Variants in STXBP4 observed in about 807,000 individuals in gnomAD.
STXBP4 encodes syntaxin binding protein 4, also known as syntaxin-binding protein 4.
STXBP4 carries 55 observed loss-of-function variants against 76.1 expected under a neutral mutation model. The ratio of observed to expected loss-of-function variants is 0.72; its 90% CI spans 0.58 to 0.91. The LOEUF (loss-of-function observed/expected upper bound fraction) is 0.91, where lower values mean the gene tolerates loss of function less well. Among genes scored for constraint, STXBP4 ranks in the 40% least tolerant of loss-of-function variants. The probability of loss-of-function intolerance (pLI) is 0.00; values close to 1 mark genes in which losing one functional copy is unlikely to be tolerated. For synonymous variants in STXBP4, 201 were observed against 220.2 expected, an observed-to-expected ratio of 0.91 and a Z score of 0.77; for missense variants, 618 against 636.9, an observed-to-expected ratio of 0.97 and a Z score of 0.32.
chr17:55,145,464 A>G (rs1057461230), intron 17 of STXBP4, among the ~76,000 whole-genome samples: 3 of 152,200 alleles, frequency 2.0e-5, no homozygotes, highest in Non-Finnish European at 2.9e-5. Flanking sequence ...CAGAAATTGA[A>G]TTGTTACATC....
chr17:55,005,117 C>T (rs1211117892), intron 7 of STXBP4, among the ~76,000 whole-genome samples: 1 of 152,168 alleles, frequency 6.6e-6, no homozygotes, highest in Non-Finnish European at 1.5e-5. Context: ...CATTAAATCT[C>T]CTTATAATAC....
intron 4 of STXBP4, chr17:54,991,838 T>G (rs954385520): frequency 1.3e-5 from 2 of 151,486 alleles, no homozygotes; most frequent in Non-Finnish European, 2.9e-5. Flanking sequence ...TAATAAAATA[T>G]TCTATTAATA....
chr17:55,121,457 C>T (rs2079842956), intron 16 of STXBP4, among the ~76,000 whole-genome samples: 1 of 152,066 alleles, frequency 6.6e-6, no homozygotes, highest in South Asian at 2.1e-4. Flanking sequence ...TATGAGCAAC[C>T]ACAATCTTGA....
intron 12 of STXBP4, among the ~76,000 whole-genome samples, chr17:55,058,233 C>A (rs140179725): frequency 0.012 from 1,868 of 152,220 alleles, 33 homozygotes; most frequent in East Asian, 0.045. Flanking sequence ...CTGACTTTTT[C>A]ATGATCGCCA....
intron 17 of STXBP4, among the ~76,000 whole-genome samples, chr17:55,151,967 G>C (rs1202523040): frequency 6.6e-6 from 1 of 152,162 alleles, no homozygotes; most frequent in Non-Finnish European, 1.5e-5. Flanking sequence ...ATATTGGTGA[G>C]AAGGACTAGT....
At chr17:54,995,714 C>T (rs1225880082) in intron 4 of STXBP4, among the ~76,000 whole-genome samples, 1 of 152,158 alleles carries the variant, frequency 6.6e-6, no homozygotes, top group African/African-American at 2.4e-5. Flanking sequence ...AGGATCAGGC[C>T]TCTGGATGGC....
chr17:55,015,408 G>T (rs2078188495), intron 8 of STXBP4, among the ~76,000 whole-genome samples: 1 of 152,312 alleles, frequency 6.6e-6, no homozygotes, highest in South Asian at 2.1e-4. Flanking sequence ...ACCAGAGATT[G>T]CCAAACTCTT....
the STXBP4 span, among the ~76,000 whole-genome samples, chr17:55,187,378 C>A: frequency 1.6e-4 from 25 of 151,964 alleles, no homozygotes; most frequent in Non-Finnish European, 3.5e-4. Flanking sequence ...TAAACTGCAC[C>A]CCTCCCTTGT....
intron 13 of STXBP4, among the ~76,000 whole-genome samples, chr17:55,074,094 C>A (rs1036010097): frequency 1.3e-5 from 2 of 152,098 alleles, no homozygotes; most frequent in East Asian, 1.9e-4. Context: ...ACAAACATAA[C>A]TGGTTATGTA....
intron 16 of STXBP4, among the ~76,000 whole-genome samples, chr17:55,105,223 A>G (rs1287340124): frequency 6.6e-6 from 1 of 151,994 alleles, no homozygotes. Flanking sequence ...TTAGAGTGTC[A>G]ATTTTAGATC....
At position 55,167,943 on chromosome 17, in the gene STXBP4, G is replaced by T. The variant is rs2080385023; in HGVS notation, c.*8032G>T. The T allele has an allele frequency of 6.6e-6, 1 of 152,178 alleles. No homozygotes were observed. The highest frequency in any genetic ancestry group is 1.5e-5 in the Non-Finnish European group (1 of 68,010). The allele number at this position is 152,178 out of a possible 1,614,324, so 9.4% of individuals were successfully genotyped here. A position where few individuals can be genotyped will look rare whatever the true frequency, so the allele number is the denominator to read the frequency against. The stretch of plus-strand genomic sequence containing the variant: ...TAGGTAATATAGACAGGTAAGGTCA[G>T]AAATTTCTGTGGAATGGAATATGAA... On this transcript the variant is annotated 3_prime_UTR_variant, in exon 18 of 18. Coordinates refer to ENST00000376352, the MANE Select transcript of STXBP4 (RefSeq NM_178509.6).
chr17:55,042,622 G>A (rs1055275891), intron 10 of STXBP4, among the ~76,000 whole-genome samples: 15 of 151,724 alleles, frequency 9.9e-5, no homozygotes, highest in African/African-American at 2.4e-4. Flanking sequence ...TGTAATTGAC[G>A]GTCAGAGACA....
Position 54,969,098 on chromosome 17 carries a change from G to A in STXBP4, c.-157+283G>A, listed in dbSNP as rs2077340901. Among the ~76,000 whole-genome samples the A allele has an allele frequency of 1.3e-5, 2 of 152,164 alleles. 1 individual carries two copies. The highest frequency in any genetic ancestry group is 4.1e-4 in the South Asian group (2 of 4,830). Reference sequence around the variant, plus strand: ...ATCACCTCTCTCAGGAAGCCTTGCTGTGTTAACCGCAGCCCTCATGGGCAC... The same window carrying A: ...ATCACCTCTCTCAGGAAGCCTTGCTATGTTAACCGCAGCCCTCATGGGCAC... On this transcript the variant is annotated intron_variant, in intron 1 of 17. Coordinates refer to ENST00000376352, the MANE Select transcript of STXBP4 (RefSeq NM_178509.6).
intron 4 of STXBP4, among the ~76,000 whole-genome samples, chr17:54,997,304 C>T (rs931545035): frequency 6.6e-6 from 1 of 151,904 alleles, no homozygotes; most frequent in African/African-American, 2.4e-5. Flanking sequence ...AATATGTAAA[C>T]ACCAGAAGTC....
At chr17:54,971,993 G>A (rs969377936) in intron 1 of STXBP4, among the ~76,000 whole-genome samples, 2 of 152,094 alleles carry the variant, frequency 1.3e-5, no homozygotes, top group African/African-American at 4.8e-5. Context: ...CTCAATATAG[G>A]TCTGTCTGAT....
rs34470146 is a variant in STXBP4 at position 55,146,726 on chromosome 17, G to GA, written c.1547+5371dup. 5.1e-4 allele frequency among the ~76,000 whole-genome samples: 74 copies of GA among 144,240 alleles called. 1 individual carries two copies. The highest frequency in any genetic ancestry group is 6.0e-4 in the Non-Finnish European group (39 of 65,160). 94.6% of individuals were successfully genotyped at this position (144,240 alleles called of 152,430 possible). On this transcript the variant is annotated intron_variant, in intron 17 of 17. Coordinates refer to ENST00000376352, the MANE Select transcript of STXBP4 (RefSeq NM_178509.6). ...AGCGAGACTCCGTCTCAAAAAAAAA[G>GA]AAAAAAAAAAAAGAGTGGCTTAGTG...
chr17:55,159,293 T>C lies in STXBP4; in HGVS notation c.1548-504T>C, dbSNP rs142422724. ...ATAAATAAAAATTTTAAAAAGCAGG[T>C]ATTGTTGAGGCAGCTAAAAAAACAA... On this transcript the variant is annotated intron_variant, in intron 17 of 17. Transcript: ENST00000376352. Among the ~76,000 whole-genome samples the C allele has an allele frequency of 9.4e-4, 143 of 152,008 alleles. No homozygotes were observed. The East Asian group carries it at 0.02, about 22-fold the overall frequency.
intron 16 of STXBP4, among the ~76,000 whole-genome samples, chr17:55,111,154 T>C (rs1307921322): frequency 6.6e-6 from 1 of 152,142 alleles, no homozygotes; most frequent in Non-Finnish European, 1.5e-5. Context: ...CTACAGTCTA[T>C]TCTCTAGTAG....
At chr17:55,201,818 C>T in the STXBP4 span, among the ~76,000 whole-genome samples, 1 of 152,220 alleles carries the variant, frequency 6.6e-6, no homozygotes, top group Non-Finnish European at 1.5e-5. Flanking sequence ...AGCAAGAACC[C>T]AGCAAGGCTG....
Sources: gnomAD v4.1 joint callset for allele counts (sites outside exome capture counted in the v4.1 genomes callset) on GRCh38, gnomAD v4.1.1 for gene constraint, MANE v1.5 for transcripts, NCBI Gene and HGNC (gene_info 2026-07-23, HGNC 2026-07-21) for gene names.